CFAP92: variants seen among roughly 807,000 people sequenced by gnomAD.
The protein encoded by CFAP92 is uncharacterized protein CFAP92.
In CFAP92, 86 loss-of-function variants were observed where a neutral mutation model predicts 106.3. The observed-to-expected ratio is 0.81, with a 90% CI of 0.68 to 0.97. CFAP92 has a LOEUF of 0.97. Ranked by LOEUF, CFAP92 falls within the 50% of genes least tolerant of loss-of-function variation. The pLI, the probability that CFAP92 is intolerant of heterozygous loss-of-function variation, is 0.00. For synonymous variants in CFAP92, 477 were observed against 506.4 expected, an observed-to-expected ratio of 0.94 and a Z score of 0.78; for missense variants, 1,204 against 1,283.8, an observed-to-expected ratio of 0.94 and a Z score of 0.95.
intron 12 of CFAP92, among the ~76,000 whole-genome samples, chr3:128,928,841 GA>G: frequency 6.6e-6 from 1 of 151,322 alleles, no homozygotes; most frequent in African/African-American, 2.4e-5. Context: ...ATACCATTAA[GA>G]AAAAAAAGAA....
At chr3:129,015,555 G>T in the CFAP92 span, among the ~76,000 whole-genome samples, 1 of 152,002 alleles carries the variant, frequency 6.6e-6, no homozygotes, top group African/African-American at 2.4e-5. Context: ...GGCCTTAGAA[G>T]TCACCCAGCC....
chr3:129,002,116 G>T (rs1050646500), intron 1 of CFAP92: 1 of 1,481,990 alleles, frequency 6.7e-7, no homozygotes, highest in African/African-American at 1.5e-5. Context: ...CGGCTGCCCC[G>T]CGGCGCTCTC....
intron 4 of CFAP92, among the ~76,000 whole-genome samples, chr3:128,979,189 A>T (rs958898396): frequency 2.0e-5 from 3 of 152,286 alleles, no homozygotes; most frequent in Non-Finnish European, 2.9e-5. Context: ...CAACAGACAC[A>T]TGAAAAATGC....
chr3:128,998,727 C>T (rs1210621825), upstream of CFAP92, among the ~76,000 whole-genome samples: 3 of 152,118 alleles, frequency 2.0e-5, no homozygotes, highest in African/African-American at 7.2e-5. Context: ...ACAGAGCAGC[C>T]TCTGGAGCAG....
At chr3:129,002,262 G>C in intron 1 of CFAP92, 1 of 1,530,922 alleles carries the variant, frequency 6.5e-7, no homozygotes, top group South Asian at 1.2e-5. Flanking sequence ...CAGCTTGCGC[G>C]AGTTGGTGGA....
chr3:129,001,280 G>T (rs1419147740), intron 1 of CFAP92, among the ~76,000 whole-genome samples: 1 of 152,210 alleles, frequency 6.6e-6, no homozygotes, highest in East Asian at 1.9e-4. Flanking sequence ...GAGAGTGGAC[G>T]GCCGGGAGTG....
Position 128,915,365 on chromosome 3 carries a change from GCT to G in CFAP92, c.3113_3114del (p.Glu1038AlafsTer3). ...FQDLKLPPIK[E>X]LNEEWKENSL... Reference sequence around the variant, plus strand: ...TGCTCTTCCCTGTGGACCTCATTCAGCTCTTTGATGGGTGGCAGCTTGAGATC... The same window carrying G: ...TGCTCTTCCCTGTGGACCTCATTCAGCTTTGATGGGTGGCAGCTTGAGATC... On this transcript the variant is annotated frameshift_variant, in exon 14 of 16. Coordinates refer to ENST00000645291, the MANE Select transcript of CFAP92 (RefSeq NM_001394090.1). LOFTEE classifies it high-confidence loss of function. The G allele has an allele frequency of 6.5e-7, 1 of 1,536,148 alleles. No homozygotes were observed. The highest frequency in any genetic ancestry group is 8.7e-7 in the Non-Finnish European group (1 of 1,146,922).
At chr3:128,994,168 GGGGGCGGGGCTCCGC>G (rs1481766526), upstream of CFAP92, 25 of 985,402 alleles carry the variant, frequency 2.5e-5, no homozygotes, top group South Asian at 9.4e-5. Context: ...CGTGCGGCCT[GGGGGCGGGGCTCCGC>G]GGGGCGGGGC....
At chr3:129,014,455 C>G in the CFAP92 span, among the ~76,000 whole-genome samples, 1 of 152,234 alleles carries the variant, frequency 6.6e-6, no homozygotes, top group Non-Finnish European at 1.5e-5. This position sits in a 1 kb window ranked among gnomAD's most constrained non-coding sequence, Gnocchi z 4.3. Flanking sequence ...CCTGTATCCT[C>G]GCGTGGTCTT....
chr3:128,934,983 G>A, intron 11 of CFAP92, 142 bp downstream of exon 11: 1 of 586,870 alleles, frequency 1.7e-6, no homozygotes, highest in East Asian at 2.8e-5. Context: ...CAGCATCTGG[G>A]CGGATGGTCC....
chr3:129,001,519 G>T, intron 1 of CFAP92: 1 of 1,331,094 alleles, frequency 7.5e-7, no homozygotes, highest in South Asian at 2.0e-5. Context: ...GCTCCAACCA[G>T]ACCGCGACCG....
intron 9 of CFAP92, among the ~76,000 whole-genome samples, chr3:128,962,102 A>C (rs926125292): frequency 5.3e-5 from 8 of 151,856 alleles, no homozygotes; most frequent in East Asian, 1.9e-4. Flanking sequence ...CCTGGCAGCC[A>C]CTCCCAGAGC....
intron 12 of CFAP92, among the ~76,000 whole-genome samples, chr3:128,926,569 T>A (rs921972281): frequency 6.6e-6 from 1 of 152,130 alleles, no homozygotes; most frequent in Non-Finnish European, 1.5e-5. Flanking sequence ...TCTTCAACAC[T>A]GCACTTCTTT....
chr3:129,016,277 G>C, the CFAP92 span, among the ~76,000 whole-genome samples: 1 of 152,230 alleles, frequency 6.6e-6, no homozygotes, highest in South Asian at 2.1e-4. Context: ...TATCCTGGCT[G>C]GTCTGGGTGG....
At chr3:128,924,826 C>T (rs1028715858) in intron 12 of CFAP92, among the ~76,000 whole-genome samples, 6 of 152,214 alleles carry the variant, frequency 3.9e-5, no homozygotes, top group Non-Finnish European at 7.3e-5. Flanking sequence ...AAAGAAAATG[C>T]TAAACTGTCA....
intron 9 of CFAP92, among the ~76,000 whole-genome samples, chr3:128,957,009 C>CATTCTAT (rs1205962357): frequency 6.8e-5 from 9 of 133,080 alleles, no homozygotes; most frequent in African/African-American, 2.5e-4. Context: ...AAATCAACCC[C>CATTCTAT]ATTCTATACC....
chr3:128,932,510 A>C (rs1429479424), intron 12 of CFAP92, among the ~76,000 whole-genome samples, 190 bp downstream of exon 12: 1 of 152,146 alleles, frequency 6.6e-6, no homozygotes, highest in South Asian at 2.1e-4. Context: ...ACTGGGAGTG[A>C]AGGTTTCTGA....
At chr3:129,022,579 TCCG>T in the CFAP92 span, among the ~76,000 whole-genome samples, 1 of 152,098 alleles carries the variant, frequency 6.6e-6, no homozygotes, top group South Asian at 2.1e-4. Flanking sequence ...TCACCCGGCC[TCCG>T]GATGCTGTGC....
In CFAP92 at chr3:128,926,663, C is replaced by T. The variant is rs918376187; in HGVS notation, c.2751+6037G>A. On this transcript the variant is annotated intron_variant, in intron 12 of 15. Coordinates refer to ENST00000645291, the MANE Select transcript of CFAP92 (RefSeq NM_001394090.1). ...GAGCAAGGAAAGGAAGTGTTATGGA[C>T]TGAATGTCTTCACCCTCAAATTCCT... Among the ~76,000 whole-genome samples the T allele has an allele frequency of 3.9e-5, 6 of 152,302 alleles. No homozygotes were observed. In the East Asian group the frequency reaches 1.2e-3, roughly 29 times the overall value.
Sources: allele counts gnomAD v4.1 joint callset (sites outside exome capture counted in the v4.1 genomes callset), GRCh38; gene constraint gnomAD v4.1.1; non-coding constraint Gnocchi (gnomAD v3.1); transcripts MANE v1.5; gene names NCBI Gene and HGNC (gene_info 2026-07-23, HGNC 2026-07-21).